ARB2A: variants seen among roughly 807,000 people sequenced by gnomAD.
ARB2A encodes cotranscriptional regulator ARB2A.
At chr5:93,630,918 C>G in the ARB2A span, among the ~76,000 whole-genome samples, 1 of 151,910 alleles carries the variant, frequency 6.6e-6, no homozygotes, top group Admixed American at 6.6e-5. Flanking sequence ...AAGACAGGGT[C>G]GTCTTGCTTT....
chr5:93,894,668 T>C, the ARB2A span, among the ~76,000 whole-genome samples: 1 of 152,144 alleles, frequency 6.6e-6, no homozygotes, highest in African/African-American at 2.4e-5. Flanking sequence ...TTACTGACTT[T>C]GGTTTCTCAT....
At chr5:94,097,154 C>T in the ARB2A span, among the ~76,000 whole-genome samples, 1 of 152,228 alleles carries the variant, frequency 6.6e-6, no homozygotes, top group African/African-American at 2.4e-5. Flanking sequence ...CATATACTGA[C>T]TGTCAGGCCT....
At chr5:93,740,640 G>A in the ARB2A span, 1 of 1,613,344 alleles carries the variant, frequency 6.2e-7, no homozygotes. Flanking sequence ...CTGCAGAGTA[G>A]AGACGTGTAT....
At chr5:94,000,028 T>C in the ARB2A span, among the ~76,000 whole-genome samples, 2 of 152,104 alleles carry the variant, frequency 1.3e-5, no homozygotes, top group African/African-American at 2.4e-5. Context: ...TAATATTCCA[T>C]TGTCTGGATG....
the ARB2A span, among the ~76,000 whole-genome samples, chr5:94,004,998 CAAAAAAAAAAAAAA>C: frequency 1.9e-3 from 24 of 12,552 alleles, 1 homozygote; most frequent in Non-Finnish European, 2.3e-3. Context: ...ATTTTATCAG[CAAAAAAAAAAAAAA>C]AAAAAAAAAA....
chr5:93,766,096 C>T, the ARB2A span, among the ~76,000 whole-genome samples: 3 of 152,130 alleles, frequency 2.0e-5, no homozygotes, highest in African/African-American at 7.2e-5. Flanking sequence ...TAGAAGAAAA[C>T]CTAGGCAATA....
the ARB2A span, among the ~76,000 whole-genome samples, chr5:94,012,785 A>C: frequency 6.6e-6 from 1 of 152,206 alleles, no homozygotes; most frequent in Non-Finnish European, 1.5e-5. Context: ...CCAATACTAT[A>C]ACAATGGGTT....
the ARB2A span, chr5:93,620,307 TA>T: frequency 6.6e-6 from 1 of 152,304 alleles, no homozygotes; most frequent in East Asian, 1.9e-4. Context: ...TTTTCAGCAG[TA>T]ATGCGGATTC....
chr5:93,620,845 G>T, the ARB2A span: 1 of 1,062,942 alleles, frequency 9.4e-7, no homozygotes, highest in Non-Finnish European at 1.3e-6. Flanking sequence ...AATGCAAAAC[G>T]CTATTTAGAT....
At chr5:93,944,639 G>A in the ARB2A span, among the ~76,000 whole-genome samples, 2 of 151,602 alleles carry the variant, frequency 1.3e-5, no homozygotes, top group Non-Finnish European at 2.9e-5. Context: ...TGAGGAGATA[G>A]GGAGGAGGGA....
the ARB2A span, among the ~76,000 whole-genome samples, chr5:93,797,966 A>G: frequency 6.6e-6 from 1 of 152,064 alleles, no homozygotes; most frequent in African/African-American, 2.4e-5. Flanking sequence ...TGAAGGGAGG[A>G]GAGTGAATGA....
chr5:93,761,531 G>A, the ARB2A span, among the ~76,000 whole-genome samples: 1 of 152,194 alleles, frequency 6.6e-6, no homozygotes, highest in African/African-American at 2.4e-5. Context: ...CATTGCCCAG[G>A]CTTGAGTAGG....
chr5:93,778,342 C>A, the ARB2A span, among the ~76,000 whole-genome samples: 1 of 152,124 alleles, frequency 6.6e-6, no homozygotes, highest in Admixed American at 6.5e-5. Flanking sequence ...GATTAGCACA[C>A]AATTAGCCAG....
the ARB2A span, among the ~76,000 whole-genome samples, chr5:93,783,556 T>C: frequency 1.3e-5 from 2 of 152,056 alleles, no homozygotes; most frequent in Non-Finnish European, 2.9e-5. Context: ...GGTATTCTAT[T>C]AAGAAAAACT....
chr5:93,790,377 A>G, the ARB2A span, among the ~76,000 whole-genome samples: 26 of 152,230 alleles, frequency 1.7e-4, no homozygotes, highest in African/African-American at 5.8e-4. Context: ...TAGTTTATAA[A>G]TGCACTTAAT....
At chr5:93,889,313 T>G in the ARB2A span, among the ~76,000 whole-genome samples, 4 of 151,860 alleles carry the variant, frequency 2.6e-5, no homozygotes, top group African/African-American at 7.2e-5. Context: ...GTTGTATACA[T>G]TCACATATTT....
At chr5:93,640,666 A>G in the ARB2A span, among the ~76,000 whole-genome samples, 1 of 150,132 alleles carries the variant, frequency 6.7e-6, no homozygotes, top group African/African-American at 2.5e-5. Flanking sequence ...ATATATACAC[A>G]CATATATATA....
the ARB2A span, among the ~76,000 whole-genome samples, chr5:93,806,090 G>C: frequency 2.6e-5 from 4 of 151,898 alleles, no homozygotes; most frequent in Admixed American, 1.3e-4. Context: ...TTCCATTTCA[G>C]CTGGAAAAAA....
chr5:93,650,158 GAA>G, the ARB2A span, among the ~76,000 whole-genome samples: 2 of 138,626 alleles, frequency 1.4e-5, no homozygotes, highest in African/African-American at 2.5e-5. Flanking sequence ...TATCAAGAAG[GAA>G]AAAAAAAAAA....
Sources: gnomAD v4.1 joint callset for allele counts (sites outside exome capture counted in the v4.1 genomes callset) on GRCh38, gnomAD v4.1.1 for gene constraint, MANE v1.5 for transcripts, NCBI Gene and HGNC (gene_info 2026-07-23, HGNC 2026-07-21) for gene names.